Variants in SEZ6L observed in about 807,000 individuals in gnomAD.
SEZ6L encodes the protein seizure related 6 homolog like, also known as seizure 6-like protein.
SEZ6L carries 37 observed loss-of-function variants against 106.2 expected under a neutral mutation model. That is an observed-to-expected ratio of 0.35 (90% CI 0.27 to 0.46). SEZ6L has a LOEUF of 0.46. Among genes scored for constraint, SEZ6L ranks in the 20% least tolerant of loss-of-function variants. SEZ6L has a pLI of 1.00. For synonymous variants in SEZ6L, 541 were observed against 570.4 expected (o/e 0.95, Z 0.73); for missense variants, 1,172 against 1,332.8 (o/e 0.88, Z 1.88).
At chr22:26,170,228 C>G (rs908013645) in intron 1 of SEZ6L, among the ~76,000 whole-genome samples, 1 of 152,016 alleles carries the variant, frequency 6.6e-6, no homozygotes, top group Non-Finnish European at 1.5e-5. Context: ...GCCGCTCCCC[C>G]CGACACCACA....
Position 26,324,575 on chromosome 22 carries a change from G to C in SEZ6L, c.2015+10673G>C, listed in dbSNP as rs552398090. Among the ~76,000 whole-genome samples, 311 of 152,338 alleles carry C rather than the reference G, an allele frequency of 2.0e-3. 3 individuals are homozygous for C. The highest frequency in any genetic ancestry group is 7.0e-3 in the African/African-American group (291 of 41,566). ...AGGAAAGGAGGAGAGAGATTCAGGA[G>C]TTGAGGACAACGTTAGCCCTGGGAG... On this transcript the variant is annotated intron_variant, in intron 9 of 16. Coordinates refer to ENST00000248933, the MANE Select transcript of SEZ6L (RefSeq NM_021115.5).
At chr22:26,265,963 G>C (rs1295837977) in intron 1 of SEZ6L, among the ~76,000 whole-genome samples, 1 of 152,202 alleles carries the variant, frequency 6.6e-6, no homozygotes, top group Non-Finnish European at 1.5e-5. Flanking sequence ...GGATGTTCCT[G>C]AAAACAAGTC....
intron 1 of SEZ6L, among the ~76,000 whole-genome samples, chr22:26,265,993 G>T (rs1296219270): frequency 6.6e-6 from 1 of 152,184 alleles, no homozygotes; most frequent in East Asian, 1.9e-4. Flanking sequence ...CAACATACAA[G>T]GCTCTCCACC....
chr22:26,261,272 A>G (rs2079997183), intron 1 of SEZ6L, among the ~76,000 whole-genome samples: 1 of 152,004 alleles, frequency 6.6e-6, no homozygotes, highest in African/African-American at 2.4e-5. Context: ...TTTTTGTTGC[A>G]TTTGCTTTTG....
At chr22:26,342,114 C>T (rs2082856023) in intron 10 of SEZ6L, among the ~76,000 whole-genome samples, 2 of 152,306 alleles carry the variant, frequency 1.3e-5, no homozygotes, top group African/African-American at 2.4e-5. Context: ...CAGCGGAGAA[C>T]CTGGGAGACA....
intron 1 of SEZ6L, among the ~76,000 whole-genome samples, chr22:26,196,325 C>A (rs1472592312): frequency 6.6e-6 from 1 of 152,204 alleles, no homozygotes; most frequent in Non-Finnish European, 1.5e-5. Flanking sequence ...ATACAGCCTG[C>A]AGAACCATGA....
chr22:26,214,991 A>G (rs1439306671), intron 1 of SEZ6L, among the ~76,000 whole-genome samples: 1 of 152,234 alleles, frequency 6.6e-6, no homozygotes, highest in African/African-American at 2.4e-5. Flanking sequence ...GGCACTAAGT[A>G]AGTGTTTATT....
At chr22:26,283,398 A>G (rs2080834930) in intron 1 of SEZ6L, among the ~76,000 whole-genome samples, 1 of 152,218 alleles carries the variant, frequency 6.6e-6, no homozygotes, top group African/African-American at 2.4e-5. Flanking sequence ...TCATTTAAAA[A>G]GAGTAAAGTG....
At chr22:26,291,060 A>G (rs2081091868) in intron 1 of SEZ6L, among the ~76,000 whole-genome samples, 1 of 152,252 alleles carries the variant, frequency 6.6e-6, no homozygotes, top group Admixed American at 6.5e-5. Flanking sequence ...ATAGCATTTG[A>G]CTCAGCAATC....
intron 1 of SEZ6L, among the ~76,000 whole-genome samples, chr22:26,253,088 T>G (rs1312183683): frequency 6.6e-6 from 1 of 152,130 alleles, no homozygotes; most frequent in Non-Finnish European, 1.5e-5. Context: ...AATCCTCACA[T>G]CTCCCTAGAA....
chr22:26,363,365 C>CT (rs1462579097), intron 12 of SEZ6L, among the ~76,000 whole-genome samples: 1 of 152,198 alleles, frequency 6.6e-6, no homozygotes, highest in Non-Finnish European at 1.5e-5. Flanking sequence ...GGGATTATAT[C>CT]TGTTTTATTC....
intron 1 of SEZ6L, among the ~76,000 whole-genome samples, chr22:26,277,966 T>C (rs919601812): frequency 6.6e-6 from 1 of 152,210 alleles, no homozygotes; most frequent in African/African-American, 2.4e-5. Flanking sequence ...TAATAGCCTA[T>C]GAAAATGCTG....
At chr22:26,351,310 T>C (rs2083270857) in intron 12 of SEZ6L, 67 bp downstream of exon 12, 10 of 1,482,698 alleles carry the variant, frequency 6.7e-6, no homozygotes. Flanking sequence ...TTGTTCATGA[T>C]GGAAGGCTGG....
chr22:26,204,825 C>A (rs1024504072), intron 1 of SEZ6L, among the ~76,000 whole-genome samples: 2 of 152,194 alleles, frequency 1.3e-5, no homozygotes, highest in Non-Finnish European at 2.9e-5. Flanking sequence ...GAGCTGGATC[C>A]ATTTTCTGGA....
chr22:26,347,033 A>C (rs1286900387), intron 10 of SEZ6L, among the ~76,000 whole-genome samples: 1 of 148,086 alleles, frequency 6.8e-6, no homozygotes, highest in Non-Finnish European at 1.5e-5. Context: ...TCTCTACAGA[A>C]AAAAAAAAAA....
intron 1 of SEZ6L, among the ~76,000 whole-genome samples, chr22:26,249,401 G>A (rs559157675): frequency 1.1e-4 from 17 of 152,236 alleles, no homozygotes; most frequent in Admixed American, 5.2e-4. Context: ...TTCAACAGAT[G>A]AGTGAGAACG....
At chr22:26,339,135 T>A (rs187080241) in intron 9 of SEZ6L, among the ~76,000 whole-genome samples, 185 of 152,244 alleles carry the variant, frequency 1.2e-3, no homozygotes, top group Non-Finnish European at 2.0e-3. Flanking sequence ...TCTCTGTCCT[T>A]ACTTTGGTTA....
Position 26,382,920 on chromosome 22 carries a change from A to G in SEZ6L, c.*2625A>G, listed in dbSNP as rs897597129. Reference sequence around the variant, plus strand: ...CTCTTTGTTTTTAAAACAGTGGGGAAATACGTTTACAGAGATTGTGAGCTT... The same window carrying G: ...CTCTTTGTTTTTAAAACAGTGGGGAGATACGTTTACAGAGATTGTGAGCTT... On this transcript the variant is annotated 3_prime_UTR_variant, in exon 17 of 17. Transcript: ENST00000248933. 9 of 152,168 alleles carry G rather than the reference A, an allele frequency of 5.9e-5. No individual in the cohort carries two copies. The highest frequency in any genetic ancestry group is 1.3e-4 in the Admixed American group (2 of 15,256). 9.4% of individuals were successfully genotyped at this position (152,168 alleles called of 1,614,324 possible).
chr22:26,347,124 A>G (rs1020393485), intron 10 of SEZ6L, among the ~76,000 whole-genome samples: 2 of 151,888 alleles, frequency 1.3e-5, no homozygotes, highest in Non-Finnish European at 2.9e-5. Flanking sequence ...TGAGCCCAGG[A>G]GTTTGAGGCT....
Sources: allele counts gnomAD v4.1 joint callset (sites outside exome capture counted in the v4.1 genomes callset), GRCh38; gene constraint gnomAD v4.1.1; transcripts MANE v1.5; gene names NCBI Gene and HGNC (gene_info 2026-07-23, HGNC 2026-07-21).